Variants in TMC1 observed in about 807,000 individuals in gnomAD.
TMC1 encodes transmembrane channel like 1.
Under a neutral mutation model 105.8 loss-of-function variants are expected in TMC1, and 84 were observed. The observed-to-expected ratio is 0.79, with a 90% CI of 0.67 to 0.95. TMC1 has a LOEUF of 0.95. Ranked by LOEUF, TMC1 falls within the 40% of genes least tolerant of loss-of-function variation. TMC1 has a pLI of 0.00. For missense variants in TMC1, 817 were observed against 914.1 expected (o/e 0.89, Z 1.37); for synonymous variants, 315 against 311.5 (o/e 1.01, Z -0.12).
chr9:72,823,829 C>T (rs143181617), intron 20 of TMC1, among the ~76,000 whole-genome samples: 60 of 152,172 alleles, frequency 3.9e-4, no homozygotes, highest in Middle Eastern at 3.4e-3. Flanking sequence ...CATCTTACTG[C>T]AAAGATAATA....
chr9:72,711,489 G>C (rs561681970), intron 8 of TMC1, among the ~76,000 whole-genome samples: 1 of 152,232 alleles, frequency 6.6e-6, no homozygotes, highest in Non-Finnish European at 1.5e-5. Flanking sequence ...ATCTCATTGT[G>C]GTTTTGATTT....
At chr9:72,687,677 C>T (rs1448464875) in intron 5 of TMC1, among the ~76,000 whole-genome samples, 7 of 152,104 alleles carry the variant, frequency 4.6e-5, no homozygotes, top group African/African-American at 1.7e-4. Context: ...ACACTCTTGG[C>T]ATGTGTTGCC....
At position 72,740,325 on chromosome 9, in the gene TMC1, C is replaced by A. The variant is rs927782105; in HGVS notation, c.453+116C>A. ...TTTGTATATATAAAACACAAATACT[C>A]ATACAGTATATACACAGTATATCTG... On this transcript the variant is annotated intron_variant, in intron 9 of 23. Transcript: ENST00000297784. 7 of 839,496 alleles carry A rather than the reference C, an allele frequency of 8.3e-6. 1 individual carries two copies. Among genetic ancestry groups the A allele is most frequent in the Non-Finnish European group, 7.9e-6 (4 of 503,220 alleles). 52.0% of individuals were successfully genotyped at this position (839,496 alleles called of 1,614,324 possible).
intron 4 of TMC1, among the ~76,000 whole-genome samples, chr9:72,636,061 T>C (rs1428474255): frequency 6.6e-6 from 1 of 152,128 alleles, no homozygotes; most frequent in Non-Finnish European, 1.5e-5. Flanking sequence ...CTTTTTGTGA[T>C]ATTTAGACTG....
At chr9:72,734,569 A>C (rs1268689400) in intron 8 of TMC1, among the ~76,000 whole-genome samples, 1 of 151,918 alleles carries the variant, frequency 6.6e-6, no homozygotes, top group African/African-American at 2.4e-5. Flanking sequence ...TCTTATTTTT[A>C]ATCTTTGTAC....
At chr9:72,555,629 C>CT (rs900220198) in intron 1 of TMC1, among the ~76,000 whole-genome samples, 28 of 149,850 alleles carry the variant, frequency 1.9e-4, no homozygotes, top group Admixed American at 1.5e-3. Flanking sequence ...GGACTTAACT[C>CT]TTTTTTTTTG....
chr9:72,827,855 A>G (rs911304514), intron 21 of TMC1, among the ~76,000 whole-genome samples: 1 of 152,198 alleles, frequency 6.6e-6, no homozygotes, highest in African/African-American at 2.4e-5. Flanking sequence ...GGTTCATTTA[A>G]ATAAAGGTAA....
intron 8 of TMC1, among the ~76,000 whole-genome samples, chr9:72,703,116 T>A (rs1564501710): frequency 6.6e-6 from 1 of 152,150 alleles, no homozygotes; most frequent in Non-Finnish European, 1.5e-5. Flanking sequence ...TCAATATTTT[T>A]AAAAATTTAA....
At chr9:72,539,664 A>G (rs189991638) in intron 1 of TMC1, among the ~76,000 whole-genome samples, 56 of 152,200 alleles carry the variant, frequency 3.7e-4, no homozygotes, top group Non-Finnish European at 6.9e-4. Context: ...GAAGTTCCAA[A>G]CTTTCCCTCA....
chr9:72,602,377 T>C (rs1156980648), intron 2 of TMC1, among the ~76,000 whole-genome samples: 4 of 143,616 alleles, frequency 2.8e-5, no homozygotes, highest in African/African-American at 1.0e-4. Flanking sequence ...TTTTTTTTTT[T>C]TTTTTTTTTT....
chr9:72,770,375 A>G lies in TMC1; in HGVS notation c.742-2038A>G, dbSNP rs188088393. On this transcript the variant is annotated intron_variant, in intron 12 of 23. Coordinates refer to ENST00000297784, the MANE Select transcript of TMC1 (RefSeq NM_138691.3). ...ATCATTATTATTACTTAAATTTATT[A>G]TATAAATCTTTATATATATATATAT... Among the ~76,000 whole-genome samples, 53 of 135,728 alleles carry G rather than the reference A, an allele frequency of 3.9e-4. No individual in the cohort carries two copies. In the East Asian group the frequency reaches 8.3e-3, roughly 21 times the overall value. 89.0% of individuals were successfully genotyped at this position (135,728 alleles called of 152,430 possible). A position where few individuals can be genotyped will look rare whatever the true frequency, so the allele number is the denominator to read the frequency against.
intron 17 of TMC1, among the ~76,000 whole-genome samples, chr9:72,795,425 C>A (rs1321430099): frequency 6.6e-6 from 1 of 152,142 alleles, no homozygotes; most frequent in Non-Finnish European, 1.5e-5. Flanking sequence ...AGAGAGAACA[C>A]CATTAGGCTA....
intron 17 of TMC1, among the ~76,000 whole-genome samples, chr9:72,803,528 A>G (rs1262770386): frequency 6.6e-6 from 1 of 152,190 alleles, no homozygotes; most frequent in Admixed American, 6.5e-5. Flanking sequence ...ACTTAAACAA[A>G]TTTACGAGAA....
At chr9:72,724,547 A>G (rs915011854) in intron 8 of TMC1, among the ~76,000 whole-genome samples, 11 of 143,566 alleles carry the variant, frequency 7.7e-5, no homozygotes, top group Admixed American at 2.1e-4. Context: ...TAAACTTCAA[A>G]TAAACAGGGA....
chr9:72,597,659 C>G (rs993114739), intron 2 of TMC1, among the ~76,000 whole-genome samples: 1 of 152,158 alleles, frequency 6.6e-6, no homozygotes, highest in Non-Finnish European at 1.5e-5. Context: ...GATAAGGGGT[C>G]CCCCATGCCT....
chr9:72,689,570 G>C (rs1826432199), intron 6 of TMC1, among the ~76,000 whole-genome samples: 1 of 151,928 alleles, frequency 6.6e-6, no homozygotes, highest in Non-Finnish European at 1.5e-5. Context: ...TAATTATATT[G>C]CTGTATATTT....
chr9:72,738,342 ACTGTGTATTGCAAAATT>A (rs1339100986), intron 8 of TMC1, among the ~76,000 whole-genome samples: 1 of 152,060 alleles, frequency 6.6e-6, no homozygotes, highest in East Asian at 1.9e-4. Context: ...TTTTTTGGTC[ACTGTGTATTGCAAAATT>A]CTGAGTTTGG....
chr9:72,623,060 AAAC>A (rs758990881), intron 3 of TMC1, among the ~76,000 whole-genome samples: 6 of 151,016 alleles, frequency 4.0e-5, no homozygotes, highest in African/African-American at 7.3e-5. Context: ...TCAAAAAAAA[AAAC>A]AAACAAAAGA....
intron 5 of TMC1, among the ~76,000 whole-genome samples, chr9:72,670,841 A>G (rs980965844): frequency 7.2e-5 from 11 of 152,242 alleles, no homozygotes; most frequent in Non-Finnish European, 1.5e-4. Context: ...CAGTAGTATA[A>G]AGTCTGTAAG....
Sources: allele counts gnomAD v4.1 joint callset (sites outside exome capture counted in the v4.1 genomes callset), GRCh38; gene constraint gnomAD v4.1.1; transcripts MANE v1.5; gene names NCBI Gene and HGNC (gene_info 2026-07-23, HGNC 2026-07-21).